Variants in PCDHGA9 observed in about 807,000 individuals in gnomAD.
PCDHGA9 encodes protocadherin gamma-A9.
A neutral mutation model predicts 62.5 loss-of-function variants in PCDHGA9; 37 were observed. The observed-to-expected ratio is 0.59, with a 90% CI of 0.46 to 0.78. The LOEUF is 0.78. PCDHGA9 is among the 30% of genes least tolerant of loss of function. The pLI, the probability that PCDHGA9 is intolerant of heterozygous loss-of-function variation, is 0.00. For missense variants in PCDHGA9, 1,138 were observed against 1,166.2 expected, an observed-to-expected ratio of 0.98 and a Z score of 0.35; for synonymous variants, 459 against 484.6, an observed-to-expected ratio of 0.95 and a Z score of 0.69.
intron 1 of PCDHGA9, chr5:141,427,689 A>C (rs3749765): frequency 0.15 from 132,103 of 873,882 alleles, 11,769 homozygotes; most frequent in African/African-American, 0.33. Flanking sequence ...CGGAGCCTCC[A>C]TCCCACAAGT....
chr5:141,422,349 T>C (rs768693451), intron 1 of PCDHGA9: 95 of 1,554,604 alleles, frequency 6.1e-5, no homozygotes, highest in Non-Finnish European at 8.2e-5. Flanking sequence ...ATGTGCAAGA[T>C]CAAGATTCTG....
At chr5:141,422,464 A>G (rs1303001624) in intron 1 of PCDHGA9, 1 of 1,613,502 alleles carries the variant, frequency 6.2e-7, no homozygotes, top group Admixed American at 1.7e-5. Context: ...AGTGCTGGAC[A>G]GGGAGTTGGT....
At chr5:141,462,071 C>T (rs1473972601) in intron 1 of PCDHGA9, among the ~76,000 whole-genome samples, 1 of 152,214 alleles carries the variant, frequency 6.6e-6, no homozygotes, top group African/African-American at 2.4e-5. Context: ...GATCTGCCCG[C>T]CTTGGCCTCC....
intron 1 of PCDHGA9, chr5:141,412,746 C>T (rs2095574250): frequency 6.5e-6 from 1 of 154,106 alleles, no homozygotes; most frequent in Non-Finnish European, 1.4e-5. Context: ...ATATATTTAA[C>T]CAAACATTAT....
intron 1 of PCDHGA9, chr5:141,439,898 C>T (rs1428014089): frequency 6.6e-6 from 1 of 152,344 alleles, no homozygotes; most frequent in African/African-American, 2.4e-5. Context: ...ACCAAGGCGA[C>T]TACTGCCTCC....
chr5:141,423,816 T>C lies in PCDHGA9; in HGVS notation c.2424+18440T>C, dbSNP rs1205974775. ...TTAGAGCAATACATGTGAGTTTTACTTTGCCTTTCATGAGATTACGATAAT... is the reference window on the plus strand; with the variant it reads ...TTAGAGCAATACATGTGAGTTTTACCTTGCCTTTCATGAGATTACGATAAT... On this transcript the variant is annotated intron_variant, in intron 1 of 3. Transcript: ENST00000573521. 3 of 1,273,904 alleles carry C rather than the reference T, an allele frequency of 2.4e-6. No individual in the cohort carries two copies. The African/African-American group carries it at 4.7e-5, about 20-fold the overall frequency. 78.9% of individuals were successfully genotyped at this position (1,273,904 alleles called of 1,614,324 possible).
chr5:141,484,897 A>G (rs2099602925), intron 1 of PCDHGA9: 2 of 392,698 alleles, frequency 5.1e-6, no homozygotes, highest in Middle Eastern at 7.1e-4. Flanking sequence ...TTTCCCCTCC[A>G]ATGCTGCGAC....
chr5:141,420,335 A>G (rs2096490280), intron 1 of PCDHGA9: 1 of 1,403,918 alleles, frequency 7.1e-7, no homozygotes, highest in Non-Finnish European at 9.5e-7. Flanking sequence ...ATATTCCAAT[A>G]TAGTGGTATT....
intron 2 of PCDHGA9, among the ~76,000 whole-genome samples, chr5:141,503,456 A>G (rs920770738): frequency 1.3e-5 from 2 of 152,058 alleles, no homozygotes; most frequent in African/African-American, 4.8e-5. Context: ...TTCGCTGGGC[A>G]TGGTGGCATG....
At chr5:141,409,097 G>C in intron 1 of PCDHGA9, 1 of 1,613,958 alleles carries the variant, frequency 6.2e-7, no homozygotes, top group Non-Finnish European at 8.5e-7. Context: ...TGAGAAAACA[G>C]GTATGATTAA....
chr5:141,423,883 A>G, intron 1 of PCDHGA9: 2 of 1,283,462 alleles, frequency 1.6e-6, no homozygotes, highest in Non-Finnish European at 2.0e-6. Context: ...CAATCTTGGC[A>G]TATTTTCTTT....
At chr5:141,425,546 A>G (rs2096882460) in intron 1 of PCDHGA9, among the ~76,000 whole-genome samples, 1 of 152,202 alleles carries the variant, frequency 6.6e-6, no homozygotes, top group African/African-American at 2.4e-5. Flanking sequence ...CTTTTCAGAA[A>G]CCTCTTTTAT....
Position 141,486,682 on chromosome 5 carries a change from A to C in PCDHGA9, c.2425-8125A>C, listed in dbSNP as rs781547951. 1.4e-5 allele frequency: 22 copies of C among 1,614,064 alleles called. No individual in the cohort carries two copies. The African/African-American group carries it at 2.3e-4, about 17-fold the overall frequency. ...TGGAGCCCAGGAATCGAGATGTATC[A>C]GCTTCCTCTTTCATCTCTCTGAACC... On this transcript the variant is annotated intron_variant, in intron 1 of 3. Coordinates refer to ENST00000573521, the MANE Select transcript of PCDHGA9 (RefSeq NM_018921.3). The surrounding 1 kb of genome is among the most constrained non-coding windows in gnomAD (Gnocchi z 5.0).
Position 141,511,908 on chromosome 5 carries a change from A to T in PCDHGA9, c.*735A>T, listed in dbSNP as rs528200582. The T allele has an allele frequency of 4.5e-5, 7 of 156,536 alleles. No homozygotes were observed. The highest frequency in any genetic ancestry group is 1.9e-4 in the East Asian group (1 of 5,250). The allele number at this position is 156,536 out of a possible 1,614,324, so 9.7% of individuals were successfully genotyped here. A position where few individuals can be genotyped will look rare whatever the true frequency, so the allele number is the denominator to read the frequency against. On this transcript the variant is annotated 3_prime_UTR_variant, in exon 4 of 4. Transcript: ENST00000573521. ...GACTTCCCCCACCTCCTCCTCAAAC[A>T]AGAGACTCCACTGCATGTTCCAAGA...
chr5:141,428,304 G>C, intron 1 of PCDHGA9: 1 of 695,706 alleles, frequency 1.4e-6, no homozygotes, highest in South Asian at 1.6e-5. Flanking sequence ...AGATTTACCT[G>C]GTCGTGGCCT....
At chr5:141,408,747 T>C (rs1589683971) in intron 1 of PCDHGA9, 1 of 1,609,868 alleles carries the variant, frequency 6.2e-7, no homozygotes, top group Non-Finnish European at 8.5e-7. Flanking sequence ...TCATTAATGG[T>C]TAGAGTTAAT....
chr5:141,426,166 G>A (rs545570121), intron 1 of PCDHGA9: 4 of 155,070 alleles, frequency 2.6e-5, no homozygotes, highest in South Asian at 2.0e-4. Context: ...GATTCCATAC[G>A]GATTGGGGTG....
chr5:141,407,982 G>A (rs976187867), intron 1 of PCDHGA9: 3 of 782,892 alleles, frequency 3.8e-6, no homozygotes, highest in Non-Finnish European at 5.7e-6. Context: ...CCGGGGATCC[G>A]TCAGCCTCTG....
chr5:141,487,671 G>A lies in PCDHGA9; in HGVS notation c.2425-7136G>A. The A allele has an allele frequency of 6.2e-7, 1 of 1,612,012 alleles. No homozygotes were observed. The highest frequency in any genetic ancestry group is 8.5e-7 in the Non-Finnish European group (1 of 1,178,932). ...GAGGGTTATTCTGATCCAGGCATAT[G>A]GCTAGGCCATGTCCTAGAGAGTACT... On this transcript the variant is annotated intron_variant, in intron 1 of 3. Transcript: ENST00000573521. This position sits in a 1 kb window ranked among gnomAD's most constrained non-coding sequence, Gnocchi z 5.0.
Sources: gnomAD v4.1 joint callset for allele counts (sites outside exome capture counted in the v4.1 genomes callset) on GRCh38, gnomAD v4.1.1 for gene constraint, Gnocchi (gnomAD v3.1) non-coding constraint, MANE v1.5 for transcripts, NCBI Gene and HGNC (gene_info 2026-07-23, HGNC 2026-07-21) for gene names.